Variants in CFHR3 observed in about 807,000 individuals in gnomAD.
CFHR3 encodes the protein complement factor H related 3.
In CFHR3, 22 loss-of-function variants were observed where a neutral mutation model predicts 36.0. The ratio of observed to expected loss-of-function variants is 0.61; its 90% CI spans 0.44 to 0.87. The LOEUF (loss-of-function observed/expected upper bound fraction) is 0.87. Among genes scored for constraint, CFHR3 ranks in the 40% least tolerant of loss-of-function variants. The pLI is 0.00. For missense variants in CFHR3, 276 were observed against 401.3 expected, an observed-to-expected ratio of 0.69 and a Z score of 2.67; for synonymous variants, 97 against 137.4, an observed-to-expected ratio of 0.71 and a Z score of 2.06.
Position 196,788,408 on chromosome 1 carries a change from T to A in CFHR3, c.613+10T>A, listed in dbSNP as rs776539681. On this transcript the variant is annotated intron_variant, in intron 4 of 5. Coordinates refer to ENST00000367425, the MANE Select transcript of CFHR3 (RefSeq NM_021023.6). The stretch of plus-strand genomic sequence containing the variant: ...CAACCAATTTGCATTAGTAAGTGAT[T>A]TACATATTCCCATTCAGTTTCTGTC... 6.5e-7 allele frequency: 1 copy of A among 1,526,852 alleles called. No homozygotes were observed. Among genetic ancestry groups the A allele is most frequent in the South Asian group, 1.3e-5 (1 of 78,982 alleles). 94.6% of individuals were successfully genotyped at this position (1,526,852 alleles called of 1,614,324 possible).
chr1:196,777,982 T>TA (rs202127437), intron 1 of CFHR3, among the ~76,000 whole-genome samples: 18,080 of 89,212 alleles, frequency 0.2, 2,866 homozygotes, highest in East Asian at 0.37. Context: ...ACAAGACTGT[T>TA]AAAAAAAAAA....
rs1346970121 is a variant in CFHR3, at chr1:196,791,001, C to G, written c.796+774C>G. Among the ~76,000 whole-genome samples, 6 of 136,218 alleles carry G rather than the reference C, an allele frequency of 4.4e-5. 2 individuals carry two copies. The highest frequency in any genetic ancestry group is 1.6e-5 in the Non-Finnish European group (1 of 64,372). 89.4% of individuals were successfully genotyped at this position (136,218 alleles called of 152,430 possible). A position where few individuals can be genotyped will look rare whatever the true frequency, so the allele number is the denominator to read the frequency against. On this transcript the variant is annotated intron_variant, in intron 5 of 5. Transcript: ENST00000367425. ...GTTCTGAAAACATTGTTTCAAAAAA[C>G]CACAAACTATTAAACCCTACTTGAA...
intron 3 of CFHR3, among the ~76,000 whole-genome samples, chr1:196,781,868 G>A (rs1393547212): frequency 7.3e-6 from 1 of 136,336 alleles, no homozygotes; most frequent in African/African-American, 3.1e-5. Context: ...TAGACATGAA[G>A]TCCTTGCCCA....
intron 4 of CFHR3, chr1:196,788,692 T>G: frequency 6.9e-7 from 1 of 1,455,026 alleles, no homozygotes; most frequent in South Asian, 1.3e-5. Context: ...AATATGTTAG[T>G]TGCCAATAAA....
intron 3 of CFHR3, among the ~76,000 whole-genome samples, chr1:196,785,709 A>T (rs1558200465): frequency 7.4e-6 from 1 of 135,632 alleles, no homozygotes; most frequent in East Asian, 2.0e-4. Flanking sequence ...ATTTGTCTAA[A>T]TTTTTTTCAA....
Position 196,780,165 on chromosome 1 carries a change from G to T in CFHR3, c.430+192G>T, listed in dbSNP as rs1171217017. 2.9e-5 allele frequency among the ~76,000 whole-genome samples: 4 copies of T among 137,512 alleles called. 1 individual carries two copies. Among genetic ancestry groups the T allele is most frequent in the Non-Finnish European group, 6.2e-5 (4 of 64,654 alleles). The allele number at this position is 137,512 out of a possible 152,430, so 90.2% of individuals were successfully genotyped here. ...TTGATAAGTACATAGCAAAATAAAT[G>T]CTCCTATTAATGGGCATTAGTCAAG... On this transcript the variant is annotated intron_variant, in intron 3 of 5. Transcript: ENST00000367425.
intron 5 of CFHR3, among the ~76,000 whole-genome samples, chr1:196,791,350 A>G (rs765481109): frequency 2.2e-5 from 3 of 136,428 alleles, no homozygotes; most frequent in African/African-American, 6.2e-5. Context: ...CAACAACAAG[A>G]AAACCTAAAA....
intron 4 of CFHR3, chr1:196,789,357 G>T: frequency 3.3e-6 from 3 of 900,430 alleles, no homozygotes; most frequent in Non-Finnish European, 3.9e-6. Context: ...AGTTTTGGGG[G>T]TTATATGAAT....
chr1:196,793,348 T>C lies in CFHR3; in HGVS notation c.828T>C (p.Asn276=). 5.3e-6 allele frequency: 8 copies of C among 1,518,534 alleles called. 1 individual carries two copies. Among genetic ancestry groups the C allele is most frequent in the Non-Finnish European group, 7.1e-6 (8 of 1,122,750 alleles). The allele number at this position is 1,518,534 out of a possible 1,614,324, so 94.1% of individuals were successfully genotyped here. ...GTATAATAACTGAAGAAAACATGAA[T>C]AAAAATAACATAAAGTTAAAAGGAA... ...HPCIITEENM[N]KNNIKLKGRS... is the part of the protein sequence containing the mutation. Residue 276 remains asparagine (N), a synonymous_variant, in exon 6 of 6, where the codon AAT becomes AAC. Transcript: ENST00000367425.
At chr1:196,783,977 T>C (rs1654078363) in intron 3 of CFHR3, among the ~76,000 whole-genome samples, 1 of 136,338 alleles carries the variant, frequency 7.3e-6, no homozygotes, top group African/African-American at 3.1e-5. Context: ...GCTTTGAATG[T>C]GTCCCATAGA....
At chr1:196,786,298 A>G (rs1654198686) in intron 3 of CFHR3, among the ~76,000 whole-genome samples, 2 of 135,136 alleles carry the variant, frequency 1.5e-5, no homozygotes, top group South Asian at 5.2e-4. Flanking sequence ...TCAGATCTCC[A>G]GCTGCGTGCT....
intron 3 of CFHR3, among the ~76,000 whole-genome samples, chr1:196,787,860 C>A (rs1654270031): frequency 7.3e-6 from 1 of 136,418 alleles, no homozygotes; most frequent in Non-Finnish European, 1.6e-5. Flanking sequence ...GTTTAAGACC[C>A]CTTAATAGTA....
intron 3 of CFHR3, among the ~76,000 whole-genome samples, chr1:196,784,540 C>T (rs1654106852): frequency 7.4e-6 from 1 of 135,894 alleles, no homozygotes; most frequent in Non-Finnish European, 1.6e-5. Context: ...TTGAATTGAT[C>T]CCTTTACCAT....
At position 196,793,642 on chromosome 1, in the gene CFHR3, A is replaced by G. The variant is rs867714497; in HGVS notation, c.*129A>G. The G allele has an allele frequency of 1.5e-5, 14 of 914,748 alleles. 4 individuals are homozygous for G. Among genetic ancestry groups the G allele is most frequent in the African/African-American group, 8.7e-5 (4 of 46,118 alleles). 56.7% of individuals were successfully genotyped at this position (914,748 alleles called of 1,614,324 possible). The stretch of plus-strand genomic sequence containing the variant: ...CTACTTTATTTCAAAGAAAATTAAT[A>G]TAATAGTTTCAATTTGCAACTTAAT... On this transcript the variant is annotated 3_prime_UTR_variant, in exon 6 of 6. Transcript: ENST00000367425.
chr1:196,786,905 C>T (rs1654230036), intron 3 of CFHR3, among the ~76,000 whole-genome samples: 1 of 137,714 alleles, frequency 7.3e-6, no homozygotes, highest in Non-Finnish European at 1.5e-5. Flanking sequence ...GTCGCTCACG[C>T]TGGGAGCTGT....
At chr1:196,793,226 T>A in intron 5 of CFHR3, 91 bp from the exon 6 acceptor site, 1 of 1,153,668 alleles carries the variant, frequency 8.7e-7, no homozygotes, top group Non-Finnish European at 1.2e-6. Context: ...ATTTTATAAT[T>A]TTATTTTATC....
rs749976523 is a variant in CFHR3 at position 196,793,472 on chromosome 1, G to A, written c.952G>A (p.Val318Met). 13 of 1,526,686 alleles carry A rather than the reference G, an allele frequency of 8.5e-6. 3 individuals are homozygous for A. In the East Asian group the frequency reaches 2.0e-4, roughly 24 times the overall value. The allele number at this position is 1,526,686 out of a possible 1,614,324, so 94.6% of individuals were successfully genotyped here. The stretch of plus-strand genomic sequence containing the variant: ...TACATCAATTCTATCATTTCAAGCA[G>A]TGTGTCGGGAAGGGATAGTGGAATA... ...ANTSILSFQA[V>M]CREGIVEYPR... is the part of the protein sequence containing the mutation. The change falls in exon 6 of 6, where the codon GTG becomes ATG. Residue 318 changes from valine to methionine, a missense_variant. Physicochemically the swap from Val to Met is conservative, Grantham distance 21 (BLOSUM62 1). Transcript: ENST00000367425.
In CFHR3 at chr1:196,788,466, T is replaced by C. The variant is rs1654298912; in HGVS notation, c.613+68T>C. 25 of 1,500,636 alleles carry C rather than the reference T, an allele frequency of 1.7e-5. 6 individuals carry two copies. The South Asian group carries it at 2.8e-4, about 17-fold the overall frequency. The allele number at this position is 1,500,636 out of a possible 1,614,324, so 93.0% of individuals were successfully genotyped here. Reference sequence around the variant, plus strand: ...TTCCTCTCTTTGAGATGATAGTGTTTTACTTAAAAATATAGAAAACAATTT... The same window carrying C: ...TTCCTCTCTTTGAGATGATAGTGTTCTACTTAAAAATATAGAAAACAATTT... On this transcript the variant is annotated intron_variant, in intron 4 of 5. Transcript: ENST00000367425.
In CFHR3 at chr1:196,793,470, C is replaced by T; in HGVS notation, c.950C>T (p.Ala317Val). The T allele has an allele frequency of 6.6e-7, 1 of 1,526,284 alleles. No individual in the cohort carries two copies. Among genetic ancestry groups the T allele is most frequent in the Non-Finnish European group, 8.9e-7 (1 of 1,128,932 alleles). 94.5% of individuals were successfully genotyped at this position (1,526,284 alleles called of 1,614,324 possible). A position where few individuals can be genotyped will look rare whatever the true frequency, so the allele number is the denominator to read the frequency against. ...AATACATCAATTCTATCATTTCAAG[C>T]AGTGTGTCGGGAAGGGATAGTGGAA... The part of the protein sequence containing the change: ...NANTSILSFQ[A>V]VCREGIVEYP... The change falls in exon 6 of 6, where the codon GCA (alanine) becomes GTA (valine). Residue 317 changes from alanine to valine, a missense_variant. Around this residue, in one of 3 missense-constraint regions of CFHR3, gnomAD observed 76 missense variants for 79.8 expected, o/e 0.95. Coordinates refer to ENST00000367425, the MANE Select transcript of CFHR3 (RefSeq NM_021023.6).
Sources: allele counts gnomAD v4.1 joint callset (sites outside exome capture counted in the v4.1 genomes callset), GRCh38; gene constraint gnomAD v4.1.1; regional missense constraint gnomAD v4.1.1; transcripts MANE v1.5; gene names NCBI Gene and HGNC (gene_info 2026-07-23, HGNC 2026-07-21).